RAB3A: variants seen among roughly 807,000 people sequenced by gnomAD.
RAB3A encodes the protein ras-related protein Rab-3A.
Under a neutral mutation model 19.7 loss-of-function variants are expected in RAB3A, and 5 were observed. The ratio of observed to expected loss-of-function variants is 0.25; its 90% CI spans 0.13 to 0.53. The LOEUF (loss-of-function observed/expected upper bound fraction) is 0.53, where lower values mean the gene tolerates loss of function less well. Ranked by LOEUF, RAB3A falls within the 20% of genes least tolerant of loss-of-function variation. RAB3A has a pLI of 0.95. For synonymous variants in RAB3A, 119 were observed against 122.1 expected (o/e 0.97, Z 0.17); for missense variants, 189 against 305.6 (o/e 0.62, Z 2.85).
chr19:18,203,772 C>G (rs1600035169), intron 1 of RAB3A, 124 bp downstream of exon 1: 1 of 152,900 alleles, frequency 6.5e-6, no homozygotes, highest in South Asian at 2.0e-4. Context: ...GCCTCGCGAC[C>G]GCCGCATCCT....
intron 2 of RAB3A, among the ~76,000 whole-genome samples, chr19:18,201,259 AAAAAAAAG>A (rs1967605736): frequency 1.6e-5 from 1 of 64,338 alleles, no homozygotes; most frequent in African/African-American, 4.7e-5. Flanking sequence ...CAAAAAAAAA[AAAAAAAAG>A]AAAGAAAGAA....
intron 2 of RAB3A, among the ~76,000 whole-genome samples, 171 bp from the exon 3 acceptor site, chr19:18,200,616 C>T (rs559625751): frequency 4.7e-4 from 72 of 152,200 alleles, no homozygotes; most frequent in African/African-American, 1.7e-3. Flanking sequence ...TATATGAGTG[C>T]TCCATTATTC....
Position 18,197,006 on chromosome 19 carries a change from A to G in RAB3A, c.*464T>C. 5.9e-6 allele frequency: 1 copy of G among 170,356 alleles called. No individual in the cohort carries two copies. Among genetic ancestry groups the G allele is most frequent in the Non-Finnish European group, 1.3e-5 (1 of 79,118 alleles). The allele number at this position is 170,356 out of a possible 1,614,324, so 10.6% of individuals were successfully genotyped here. On this transcript the variant is annotated 3_prime_UTR_variant, in exon 5 of 5. Coordinates refer to ENST00000222256, the MANE Select transcript of RAB3A (RefSeq NM_002866.5). ...CCTGGCAGGCCAGACTCTGATCCCC[A>G]TGGTCCACACAGGGAAACCCCCAAC...
In RAB3A at chr19:18,203,883, C is replaced by T. The variant is rs1046080793; in HGVS notation, c.-1+13G>A. The T allele has an allele frequency of 5.2e-5, 8 of 153,146 alleles. No homozygotes were observed. Among genetic ancestry groups the T allele is most frequent in the African/African-American group, 1.9e-4 (8 of 41,468 alleles). 9.5% of individuals were successfully genotyped at this position (153,146 alleles called of 1,614,324 possible). On this transcript the variant is annotated intron_variant, in intron 1 of 4. Transcript: ENST00000222256. ...CTCGGAGCCTGAGCACACCCGGCCG[C>T]CCAGGAGCTCACCTTGCCCTGCACC...
rs1967570127 is a variant in RAB3A, at chr19:18,198,810, C to T, written c.387G>A (p.Gln129=). ...QIKTYSWDNA[Q]VLLVGNKCDM... is the part of the protein sequence containing the mutation. ...CACACTTGTTTCCTACCAGCAGCAC[C>T]TGGGCATTGTCCCATGAGTAGGTCT... The change falls in exon 4 of 5, where the codon CAG becomes CAA. Residue 129 remains glutamine (Q), a synonymous_variant. Transcript: ENST00000222256. The T allele has an allele frequency of 6.2e-7, 1 of 1,614,162 alleles. No homozygotes were observed. The highest frequency in any genetic ancestry group is 1.3e-5 in the African/African-American group (1 of 75,050).
chr19:18,202,591 G>A lies in RAB3A; in HGVS notation c.150C>T (p.Ala50=), dbSNP rs748905481. ...FRYADDSFTP[A]FVSTVGIDFK... is the part of the protein sequence containing the mutation. ...AGTCGATGCCCACGGTGCTGACGAA[G>A]GCAGGCGTGAACGAGTCGTCAGCAT... Residue 50 remains alanine (A), a synonymous_variant, in exon 2 of 5, where the codon GCC becomes GCT. Transcript: ENST00000222256. This position sits in a 1 kb window ranked among gnomAD's most constrained non-coding sequence, Gnocchi z 4.2. 4 of 1,614,208 alleles carry A rather than the reference G, an allele frequency of 2.5e-6. No individual in the cohort carries two copies. Among genetic ancestry groups the A allele is most frequent in the African/African-American group, 1.3e-5 (1 of 75,038 alleles).
rs1189356667 is a variant in RAB3A at position 18,197,146 on chromosome 19, T to G, written c.*324A>C. On this transcript the variant is annotated 3_prime_UTR_variant, in exon 5 of 5. Coordinates refer to ENST00000222256, the MANE Select transcript of RAB3A (RefSeq NM_002866.5). ...GGCCCCTCTTCACAACTGACAACTGTGGATGGGGGTGAATTTTAAAAAAAG... is the reference window on the plus strand; with the variant it reads ...GGCCCCTCTTCACAACTGACAACTGGGGATGGGGGTGAATTTTAAAAAAAG... 3.0e-5 allele frequency: 7 copies of G among 235,208 alleles called. No individual in the cohort carries two copies. Among genetic ancestry groups the G allele is most frequent in the African/African-American group, 4.0e-5 (1 of 25,242 alleles). The allele number at this position is 235,208 out of a possible 1,614,324, so 14.6% of individuals were successfully genotyped here.
At chr19:18,201,566 A>G (rs1236205949) in intron 2 of RAB3A, among the ~76,000 whole-genome samples, 1 of 152,186 alleles carries the variant, frequency 6.6e-6, no homozygotes, top group Non-Finnish European at 1.5e-5. Context: ...AGCCTGGGTG[A>G]CAGAGCAAAA....
intron 3 of RAB3A, among the ~76,000 whole-genome samples, chr19:18,199,449 C>T (rs1307195963): frequency 6.6e-6 from 1 of 152,104 alleles, no homozygotes; most frequent in Non-Finnish European, 1.5e-5. Context: ...GCCACTGTGC[C>T]CAACCCAGAA....
chr19:18,198,559 T>C (rs147978691), intron 4 of RAB3A, among the ~76,000 whole-genome samples, 166 bp downstream of exon 4: 151 of 152,292 alleles, frequency 9.9e-4, no homozygotes, highest in African/African-American at 3.3e-3. Context: ...CATGGCAAAC[T>C]CCTACACATC....
chr19:18,200,842 A>G (rs1160690723), intron 2 of RAB3A, among the ~76,000 whole-genome samples: 1 of 151,696 alleles, frequency 6.6e-6, no homozygotes, highest in Non-Finnish European at 1.5e-5. Flanking sequence ...GGCTCAGGTG[A>G]GAGGGTTGCT....
At position 18,198,950 on chromosome 19, in the gene RAB3A, C is replaced by T; in HGVS notation, c.348-101G>A. ...TGTGTCCTTGTCCGAGGAAGAAAGA[C>T]CCAGAAGCTTGCCCCTCCATCCTCC... is the stretch of plus-strand genomic sequence containing the variant. On this transcript the variant is annotated intron_variant, in intron 3 of 4. Transcript: ENST00000222256. 3.5e-6 allele frequency: 5 copies of T among 1,446,468 alleles called. No homozygotes were observed. The South Asian group carries it at 6.9e-5, about 20-fold the overall frequency. The allele number at this position is 1,446,468 out of a possible 1,614,324, so 89.6% of individuals were successfully genotyped here.
At chr19:18,201,374 G>A (rs1028907196) in intron 2 of RAB3A, among the ~76,000 whole-genome samples, 3 of 152,012 alleles carry the variant, frequency 2.0e-5, no homozygotes, top group Non-Finnish European at 4.4e-5. Flanking sequence ...TTGTGGTCAG[G>A]AGTTCAAGAC....
chr19:18,197,699 GC>G, intron 4 of RAB3A, 39 bp from the exon 5 acceptor site: 1 of 1,521,114 alleles, frequency 6.6e-7, no homozygotes, highest in Non-Finnish European at 8.9e-7. Flanking sequence ...CCCTGGCCAC[GC>G]CCTATGCCAA....
In RAB3A at chr19:18,197,362, T is replaced by C; in HGVS notation, c.*108A>G. 1 of 999,290 alleles carries C rather than the reference T, an allele frequency of 1.0e-6. No individual in the cohort carries two copies. Among genetic ancestry groups the C allele is most frequent in the South Asian group, 1.5e-5 (1 of 67,008 alleles). 61.9% of individuals were successfully genotyped at this position (999,290 alleles called of 1,614,324 possible). A position where few individuals can be genotyped will look rare whatever the true frequency, so the allele number is the denominator to read the frequency against. On this transcript the variant is annotated 3_prime_UTR_variant, in exon 5 of 5. Coordinates refer to ENST00000222256, the MANE Select transcript of RAB3A (RefSeq NM_002866.5). ...TAATAAATAAGGGTGACGGGCTAAG[T>C]CAGGAGCAGGGGTCTTGTGCCCGTG...
rs544654265 is a variant in RAB3A at position 18,202,160 on chromosome 19, G to A, written c.228+353C>T. On this transcript the variant is annotated intron_variant, in intron 2 of 4. Transcript: ENST00000222256. This position sits in a 1 kb window ranked among gnomAD's most constrained non-coding sequence, Gnocchi z 4.2. Reference sequence around the variant, plus strand: ...AGGTGGAAGAATGGTTTGAGCCTGGGAAGTCGAGGCTGCAGAGAGCCGTGA... The same window carrying A: ...AGGTGGAAGAATGGTTTGAGCCTGGAAAGTCGAGGCTGCAGAGAGCCGTGA... 6.6e-6 allele frequency among the ~76,000 whole-genome samples: 1 copy of A among 152,216 alleles called. No individual in the cohort carries two copies. The highest frequency in any genetic ancestry group is 1.5e-5 in the Non-Finnish European group (1 of 68,044).
chr19:18,198,583 C>T (rs1417314104), intron 4 of RAB3A, 142 bp downstream of exon 4: 1 of 1,073,426 alleles, frequency 9.3e-7, no homozygotes, highest in Admixed American at 2.5e-5. Flanking sequence ...CAGGATCCAA[C>T]TCAAATGGCT....
chr19:18,198,437 C>T (rs1967564745), intron 4 of RAB3A, among the ~76,000 whole-genome samples: 2 of 152,162 alleles, frequency 1.3e-5, no homozygotes, highest in Admixed American at 6.5e-5. Flanking sequence ...CCATCCAGGT[C>T]CCTCCCTCTA....
rs1240459077 is a variant in RAB3A, at chr19:18,202,863, C to G, written c.1-123G>C. The G allele has an allele frequency of 1.3e-5, 9 of 695,878 alleles. No individual in the cohort carries two copies. The highest frequency in any genetic ancestry group is 2.2e-5 in the Non-Finnish European group (9 of 401,110). 43.1% of individuals were successfully genotyped at this position (695,878 alleles called of 1,614,324 possible). A position where few individuals can be genotyped will look rare whatever the true frequency, so the allele number is the denominator to read the frequency against. On this transcript the variant is annotated intron_variant, in intron 1 of 4. Transcript: ENST00000222256. This position sits in a 1 kb window ranked among gnomAD's most constrained non-coding sequence, Gnocchi z 4.2. ...CGGTGTATGGAGGACACCCTTATCC[C>G]ATCAGGAGCCCCAGTATTAATTGGT...
Sources: allele counts gnomAD v4.1 joint callset (sites outside exome capture counted in the v4.1 genomes callset), GRCh38; gene constraint gnomAD v4.1.1; non-coding constraint Gnocchi (gnomAD v3.1); transcripts MANE v1.5; gene names NCBI Gene and HGNC (gene_info 2026-07-23, HGNC 2026-07-21).